Variants in SENP6 observed in about 807,000 individuals in gnomAD.
SENP6 encodes the protein sentrin-specific protease 6.
A neutral mutation model predicts 134.5 loss-of-function variants in SENP6; 41 were observed. That is an observed-to-expected ratio of 0.30 (90% CI 0.24 to 0.40). The LOEUF is 0.40. Ranked by LOEUF, SENP6 falls within the 10% of genes least tolerant of loss-of-function variation. The pLI is 1.00. For missense variants in SENP6, 1,248 were observed against 1,312.5 expected (o/e 0.95, Z 0.76); for synonymous variants, 395 against 429.8 (o/e 0.92, Z 1.00).
chr6:75,608,030 G>T (rs1460287274), intron 1 of SENP6, among the ~76,000 whole-genome samples: 1 of 152,030 alleles, frequency 6.6e-6, no homozygotes. Context: ...ACTACATCAT[G>T]GTGTCATTCC....
intron 11 of SENP6, among the ~76,000 whole-genome samples, chr6:75,674,076 A>G (rs1046866742): frequency 1.3e-5 from 2 of 151,520 alleles, no homozygotes; most frequent in Non-Finnish European, 2.9e-5. Flanking sequence ...CACTTTTTGC[A>G]TCAGCTAACA....
chr6:75,694,457 TATAAC>T (rs1176146469), intron 16 of SENP6, among the ~76,000 whole-genome samples: 1 of 152,218 alleles, frequency 6.6e-6, no homozygotes, highest in Non-Finnish European at 1.5e-5. Context: ...ATATAATACA[TATAAC>T]ATACAATTCA....
chr6:75,636,566 A>G (rs1374965225), intron 5 of SENP6, among the ~76,000 whole-genome samples: 1 of 152,220 alleles, frequency 6.6e-6, no homozygotes, highest in Non-Finnish European at 1.5e-5. Flanking sequence ...TGATTAGGGT[A>G]CAGAAAGACA....
intron 1 of SENP6, among the ~76,000 whole-genome samples, chr6:75,607,831 T>G (rs1767139088): frequency 6.6e-6 from 1 of 152,210 alleles, no homozygotes; most frequent in African/African-American, 2.4e-5. Context: ...ATGTTATATA[T>G]AAACTCATTG....
chr6:75,690,260 A>T (rs1239477197), intron 16 of SENP6, among the ~76,000 whole-genome samples: 1 of 152,212 alleles, frequency 6.6e-6, no homozygotes, highest in African/African-American at 2.4e-5. Context: ...TCATAACAGC[A>T]TTCATAATAG....
Position 75,633,639 on chromosome 6 carries a change from A to G in SENP6, c.266A>G (p.Tyr89Cys), listed in dbSNP as rs765918500. Residue 89 changes from tyrosine to cysteine, a missense_variant, in exon 4 of 24, where the codon TAT (tyrosine) becomes TGT (cysteine). Tyr to Cys is a radical substitution (Grantham distance 194). Coordinates refer to ENST00000447266, the MANE Select transcript of SENP6 (RefSeq NM_015571.4). ...NSSGEFILKT[Y>C]VRRNKSESFK... ...TCTGGTGAATTCATCTTGAAGACATATGTAAGACGAAACAAGTCTGAAAGT... is the reference window on the plus strand; with the variant it reads ...TCTGGTGAATTCATCTTGAAGACATGTGTAAGACGAAACAAGTCTGAAAGT... The G allele has an allele frequency of 6.2e-7, 1 of 1,611,954 alleles. No individual in the cohort carries two copies. Among genetic ancestry groups the G allele is most frequent in the Admixed American group, 1.7e-5 (1 of 59,694 alleles).
intron 18 of SENP6, among the ~76,000 whole-genome samples, chr6:75,699,478 TTTTTC>T (rs1486546785): frequency 6.6e-6 from 1 of 151,752 alleles, no homozygotes; most frequent in Non-Finnish European, 1.5e-5. Flanking sequence ...ACCAGTTTTG[TTTTTC>T]TTTTCTTTCT....
intron 17 of SENP6, among the ~76,000 whole-genome samples, chr6:75,696,916 A>G (rs1774700642): frequency 6.6e-6 from 1 of 152,220 alleles, no homozygotes; most frequent in African/African-American, 2.4e-5. Context: ...GATGGCTGCT[A>G]TGCATAATAA....
At chr6:75,611,112 A>G (rs1767417585) in intron 1 of SENP6, 1 of 152,190 alleles carries the variant, frequency 6.6e-6, no homozygotes, top group Non-Finnish European at 1.5e-5. Context: ...TTATGAATCA[A>G]GAACTAAATT....
At chr6:75,605,657 A>G (rs1459108666) in intron 1 of SENP6, among the ~76,000 whole-genome samples, 2 of 152,230 alleles carry the variant, frequency 1.3e-5, no homozygotes, top group African/African-American at 4.8e-5. Flanking sequence ...GCTGAAATGT[A>G]GAAAGCAAAG....
chr6:75,705,556 A>AT (rs1203291847), intron 19 of SENP6, among the ~76,000 whole-genome samples: 3 of 151,234 alleles, frequency 2.0e-5, no homozygotes, highest in Non-Finnish European at 4.4e-5. Context: ...AAATAAATAA[A>AT]TAAATTAATT....
At chr6:75,616,008 C>G (rs1451903070) in intron 1 of SENP6, among the ~76,000 whole-genome samples, 2 of 152,124 alleles carry the variant, frequency 1.3e-5, no homozygotes, top group Non-Finnish European at 2.9e-5. Flanking sequence ...GAATGTTTAT[C>G]TTTTTTCACT....
chr6:75,695,619 C>A (rs890709877), intron 16 of SENP6, among the ~76,000 whole-genome samples, 185 bp from the exon 17 acceptor site: 1 of 152,134 alleles, frequency 6.6e-6, no homozygotes, highest in African/African-American at 2.4e-5. Flanking sequence ...TGCCTGTAAT[C>A]CCAGCTACTT....
At chr6:75,667,063 A>G (rs1043846533) in intron 10 of SENP6, 122 bp downstream of exon 10, 39 of 542,730 alleles carry the variant, frequency 7.2e-5, no homozygotes, top group African/African-American at 6.7e-4. Flanking sequence ...TGGGGCTTAA[A>G]TACCACATGG....
intron 16 of SENP6, among the ~76,000 whole-genome samples, chr6:75,684,619 T>G (rs991221301): frequency 3.3e-5 from 5 of 152,218 alleles, no homozygotes; most frequent in African/African-American, 1.2e-4. Context: ...GGATGTTGAA[T>G]TTTGTCAAAG....
intron 16 of SENP6, among the ~76,000 whole-genome samples, chr6:75,695,289 A>T (rs1053885823): frequency 6.6e-6 from 1 of 152,220 alleles, no homozygotes; most frequent in Admixed American, 6.5e-5. Context: ...GTTTTAAAAC[A>T]TTAGATCTTT....
intron 7 of SENP6, among the ~76,000 whole-genome samples, chr6:75,650,729 T>C (rs1348848979): frequency 6.6e-6 from 1 of 152,206 alleles, no homozygotes; most frequent in Non-Finnish European, 1.5e-5. Context: ...GGGTGTAGGA[T>C]AAATAGCAAT....
At chr6:75,658,613 TA>T in intron 7 of SENP6, among the ~76,000 whole-genome samples, 1 of 151,932 alleles carries the variant, frequency 6.6e-6, no homozygotes, top group Admixed American at 6.6e-5. Context: ...TAAATTTACA[TA>T]AAAAATATCG....
Position 75,717,152 on chromosome 6 carries a change from GTTTAAT to G in SENP6, c.*1563_*1568del, listed in dbSNP as rs1776059391. On this transcript the variant is annotated 3_prime_UTR_variant, in exon 24 of 24. Coordinates refer to ENST00000447266, the MANE Select transcript of SENP6 (RefSeq NM_015571.4). Reference sequence around the variant, plus strand: ...CTTAATTAGCTCATATGAAAAACAAGTTTAATTTTATTATTTACTGAACATGGCAAA... The same window carrying G: ...CTTAATTAGCTCATATGAAAAACAAGTTTATTATTTACTGAACATGGCAAA... 6.6e-6 allele frequency: 1 copy of G among 151,952 alleles called. No homozygotes were observed. Among genetic ancestry groups the G allele is most frequent in the Non-Finnish European group, 1.5e-5 (1 of 67,862 alleles). 9.4% of individuals were successfully genotyped at this position (151,952 alleles called of 1,614,324 possible).
Sources: gnomAD v4.1 joint callset for allele counts (sites outside exome capture counted in the v4.1 genomes callset) on GRCh38, gnomAD v4.1.1 for gene constraint, MANE v1.5 for transcripts, NCBI Gene and HGNC (gene_info 2026-07-23, HGNC 2026-07-21) for gene names.